ZNF607: variants seen among roughly 807,000 people sequenced by gnomAD.
ZNF607 encodes the protein zinc finger protein 607.
ZNF607 carries 5 observed loss-of-function variants against 12.8 expected under a neutral mutation model. The observed-to-expected ratio is 0.39, with a 90% CI of 0.20 to 0.82. ZNF607 has a LOEUF of 0.82. Among genes scored for constraint, ZNF607 ranks in the 40% least tolerant of loss-of-function variants. ZNF607 has a pLI of 0.39. For missense variants in ZNF607, 851 were observed against 859.2 expected (o/e 0.99, Z 0.12); for synonymous variants, 287 against 276.2 (o/e 1.04, Z -0.39).
rs1328527180 is a variant in ZNF607 at position 37,696,510 on chromosome 19, G to A, written c.*1530C>T. ...TTTACCTTTACTTCCTTCACTTTAAGCCAATCATGAAATTTCAGTGATTTC... is the reference window on the plus strand; with the variant it reads ...TTTACCTTTACTTCCTTCACTTTAAACCAATCATGAAATTTCAGTGATTTC... On this transcript the variant is annotated 3_prime_UTR_variant, in exon 5 of 5. Transcript: ENST00000355202. 2 of 404,248 alleles carry A rather than the reference G, an allele frequency of 4.9e-6. No homozygotes were observed. Among genetic ancestry groups the A allele is most frequent in the African/African-American group, 4.1e-5 (2 of 48,224 alleles). The allele number at this position is 404,248 out of a possible 1,614,324, so 25.0% of individuals were successfully genotyped here. A position where few individuals can be genotyped will look rare whatever the true frequency, so the allele number is the denominator to read the frequency against.
At chr19:37,716,703 A>G (rs537066404) in intron 1 of ZNF607, among the ~76,000 whole-genome samples, 1 of 152,310 alleles carries the variant, frequency 6.6e-6, no homozygotes, top group African/African-American at 2.4e-5. Context: ...GGTTATTCTA[A>G]ATTTCTTCTT....
In ZNF607 at chr19:37,709,732, C is replaced by A; in HGVS notation, c.100G>T (p.Val34Leu). Reference sequence around the variant, plus strand: ...AAGTTGTCATAGTTCTCCATCATCACCTCCTGGTACAAGGTCTTCTGAACC... The same window carrying A: ...AAGTTGTCATAGTTCTCCATCATCAACTCCTGGTACAAGGTCTTCTGAACC... Reference protein sequence around the residue: ...SLVQKTLYQEVMMENYDNLVS... With the variant: ...SLVQKTLYQELMMENYDNLVS... The change falls in exon 3 of 5, where the codon GTG (valine) becomes TTG (leucine). Residue 34 changes from valine (V) to leucine (L), a missense_variant. Coordinates refer to ENST00000355202, the MANE Select transcript of ZNF607 (RefSeq NM_032689.5). 1.2e-6 allele frequency: 2 copies of A among 1,614,076 alleles called. No individual in the cohort carries two copies. Among genetic ancestry groups the A allele is most frequent in the Non-Finnish European group, 1.7e-6 (2 of 1,179,930 alleles).
rs758947838 is a variant in ZNF607 at position 37,711,642 on chromosome 19, T to A, written c.-24A>T. ...ATGGTTTGAGACTGGCAAGAGTTGA[T>A]CAGTCCTTGGCGTTTCTCTACCAGA... is the stretch of plus-strand genomic sequence containing the variant. On this transcript the variant is annotated 5_prime_UTR_variant, in exon 2 of 5. Transcript: ENST00000355202. 5 of 1,613,732 alleles carry A rather than the reference T, an allele frequency of 3.1e-6. No individual in the cohort carries two copies. The East Asian group carries it at 1.1e-4, about 36-fold the overall frequency.
chr19:37,717,508 A>G (rs1417518685), intron 1 of ZNF607, among the ~76,000 whole-genome samples: 2 of 151,430 alleles, frequency 1.3e-5, no homozygotes, highest in Non-Finnish European at 1.5e-5. Flanking sequence ...TTAAAAAATG[A>G]GCTGCGGCTG....
chr19:37,717,825 AAAAAAGAAAG>A (rs2045191131), intron 1 of ZNF607, among the ~76,000 whole-genome samples: 1 of 151,226 alleles, frequency 6.6e-6, no homozygotes, highest in African/African-American at 2.4e-5. Context: ...AAAAAAAAAA[AAAAAAGAAAG>A]AAAAAGAGTT....
chr19:37,711,413 T>C (rs1372689335), intron 2 of ZNF607, among the ~76,000 whole-genome samples, 197 bp downstream of exon 2: 1 of 152,230 alleles, frequency 6.6e-6, no homozygotes, highest in Admixed American at 6.5e-5. Flanking sequence ...ACAACATGAA[T>C]GCTAGTGAAT....
chr19:37,696,768 C>T lies in ZNF607; in HGVS notation c.*1272G>A. 2 of 1,333,332 alleles carry T rather than the reference C, an allele frequency of 1.5e-6. No individual in the cohort carries two copies. Among genetic ancestry groups the T allele is most frequent in the Non-Finnish European group, 2.1e-6 (2 of 932,766 alleles). The allele number at this position is 1,333,332 out of a possible 1,614,324, so 82.6% of individuals were successfully genotyped here. A position where few individuals can be genotyped will look rare whatever the true frequency, so the allele number is the denominator to read the frequency against. On this transcript the variant is annotated 3_prime_UTR_variant, in exon 5 of 5. Coordinates refer to ENST00000355202, the MANE Select transcript of ZNF607 (RefSeq NM_032689.5). ...CTGCAGTGGCCAGTGAGTTGGCGAT[C>T]AGCTCAGCTGCCTTGGAGTCACCCT...
chr19:37,698,056 TG>T lies in ZNF607; in HGVS notation c.2074del (p.Gln692ArgfsTer32), dbSNP rs1421864610. 31 of 1,595,644 alleles carry T rather than the reference TG, an allele frequency of 1.9e-5. No homozygotes were observed. The highest frequency in any genetic ancestry group is 2.6e-5 in the Non-Finnish European group (31 of 1,173,546). On this transcript the variant is annotated frameshift_variant, in exon 5 of 5. Transcript: ENST00000355202. LOFTEE classifies it high-confidence loss of function. ...ATTTCTCTATCAAATATGAATTCTC[TG>T]ATGTACTTCAAGGATGGATCTAAGC... ...FRLRSILEVH[Q>X]RIHI
intron 3 of ZNF607, among the ~76,000 whole-genome samples, chr19:37,709,446 T>C (rs2045113006): frequency 6.6e-6 from 1 of 152,114 alleles, no homozygotes; most frequent in African/African-American, 2.4e-5. Context: ...TTCAACCCAC[T>C]TACTGGGTTA....
In ZNF607 at chr19:37,698,804, G is replaced by A. The variant is rs1404520975; in HGVS notation, c.1327C>T (p.His443Tyr). Reference sequence around the variant, plus strand: ...CATTCAAAGGGTTTGTAACCAGTATGAATTCTGTTATGATGGGCAAGGTGT... The same window carrying A: ...CATTCAAAGGGTTTGTAACCAGTATAAATTCTGTTATGATGGGCAAGGTGT... ...RAHLAHHNRI[H>Y]TGYKPFECKE... The change falls in exon 5 of 5, where the codon CAT (histidine) becomes TAT (tyrosine). Residue 443 changes from histidine to tyrosine, a missense_variant. By Grantham distance (83) the His-to-Tyr change is moderately conservative. Transcript: ENST00000355202. The A allele has an allele frequency of 1.9e-6, 3 of 1,613,666 alleles. No individual in the cohort carries two copies. The highest frequency in any genetic ancestry group is 2.5e-6 in the Non-Finnish European group (3 of 1,179,788).
rs773273921 is a variant in ZNF607 at position 37,699,321 on chromosome 19, T to C, written c.810A>G (p.Val270=). ...KSFRLKAGLK[V]HQSIHTGEKP... Reference sequence around the variant, plus strand: ...TCTCTCCAGTATGAATACTCTGATGTACTTTAAGGCCTGCTTTGAGCCTAA... The same window carrying C: ...TCTCTCCAGTATGAATACTCTGATGCACTTTAAGGCCTGCTTTGAGCCTAA... Residue 270 remains valine (V), a synonymous_variant, in exon 5 of 5, where the codon GTA becomes GTG. Transcript: ENST00000355202. 1 of 1,614,046 alleles carries C rather than the reference T, an allele frequency of 6.2e-7. No individual in the cohort carries two copies. The highest frequency in any genetic ancestry group is 1.1e-5 in the South Asian group (1 of 91,066).
At chr19:37,702,298 A>G (rs1019195243) in intron 4 of ZNF607, among the ~76,000 whole-genome samples, 4 of 151,076 alleles carry the variant, frequency 2.6e-5, no homozygotes, top group African/African-American at 9.7e-5. Context: ...AAAAAAAAAA[A>G]AAAAAAAAAA....
At chr19:37,704,758 C>T (rs1001912379) in intron 4 of ZNF607, among the ~76,000 whole-genome samples, 1 of 152,160 alleles carries the variant, frequency 6.6e-6, no homozygotes, top group Non-Finnish European at 1.5e-5. Flanking sequence ...GAGATAGAGA[C>T]CATCCTGGCT....
chr19:37,697,946 C>CAG lies in ZNF607; in HGVS notation c.*93_*94insCT. On this transcript the variant is annotated 3_prime_UTR_variant, in exon 5 of 5. Coordinates refer to ENST00000355202, the MANE Select transcript of ZNF607 (RefSeq NM_032689.5). ...TAAAAACTGAACTGTATCTCAAAGC[C>CAG]ATTCCACATTGTCTTCATTCAAATT... is the stretch of plus-strand genomic sequence containing the variant. The CAG allele has an allele frequency of 8.0e-7, 1 of 1,247,064 alleles. No homozygotes were observed. Among genetic ancestry groups the CAG allele is most frequent in the Non-Finnish European group, 1.1e-6 (1 of 905,658 alleles). 77.2% of individuals were successfully genotyped at this position (1,247,064 alleles called of 1,614,324 possible).
At chr19:37,714,369 A>G (rs1258264170) in intron 1 of ZNF607, among the ~76,000 whole-genome samples, 1 of 150,752 alleles carries the variant, frequency 6.6e-6, no homozygotes, top group Non-Finnish European at 1.5e-5. Flanking sequence ...CAGCAGCAAC[A>G]ACAAACATAC....
intron 2 of ZNF607, among the ~76,000 whole-genome samples, chr19:37,710,935 C>T (rs1458443889): frequency 6.6e-6 from 1 of 152,184 alleles, no homozygotes; most frequent in Non-Finnish European, 1.5e-5. Flanking sequence ...GCATCTGACT[C>T]CAGAAAACTA....
rs146641168 is a variant in ZNF607, at chr19:37,699,440, C to G, written c.691G>C (p.Gly231Arg). The G allele has an allele frequency of 6.2e-7, 1 of 1,614,060 alleles. No homozygotes were observed. The highest frequency in any genetic ancestry group is 2.2e-5 in the East Asian group (1 of 44,868). Residue 231 changes from glycine to arginine, a missense_variant, in exon 5 of 5, where the codon GGC becomes CGC. Coordinates refer to ENST00000355202, the MANE Select transcript of ZNF607 (RefSeq NM_032689.5). ...GEKPYECKEC[G>R]KAFSVYGRLS... ...CGTCCATACACACTAAAGGCCTTGC[C>G]ACATTCCTTACATTCGTAGGGTTTC...
Position 37,698,867 on chromosome 19 carries a change from T to C in ZNF607, c.1264A>G (p.Lys422Glu), listed in dbSNP as rs773505685. 1.4e-5 allele frequency: 23 copies of C among 1,613,742 alleles called. No homozygotes were observed. The highest frequency in any genetic ancestry group is 1.9e-5 in the Non-Finnish European group (23 of 1,179,864). The change falls in exon 5 of 5, where the codon AAA (lysine) becomes GAA (glutamate). Residue 422 changes from lysine to glutamate, a missense_variant. Coordinates refer to ENST00000355202, the MANE Select transcript of ZNF607 (RefSeq NM_032689.5). ...QNIHTGEKPYKCKECGKAFSQ... is the reference protein window; with the variant it reads ...QNIHTGEKPYECKECGKAFSQ... ...AAGGCCTTCCCACATTCCTTACATT[T>C]GTAGGGTTTCTCACCGGTATGAATA...
chr19:37,715,535 G>A (rs2045169473), intron 1 of ZNF607, among the ~76,000 whole-genome samples: 1 of 151,786 alleles, frequency 6.6e-6, no homozygotes, highest in Non-Finnish European at 1.5e-5. Flanking sequence ...AACCCAGGAG[G>A]TGGAGGTTGC....
Sources: gnomAD v4.1 joint callset for allele counts (sites outside exome capture counted in the v4.1 genomes callset) on GRCh38, gnomAD v4.1.1 for gene constraint, MANE v1.5 for transcripts, NCBI Gene and HGNC (gene_info 2026-07-23, HGNC 2026-07-21) for gene names.